FAM167A: variants seen among roughly 807,000 people sequenced by gnomAD.
The protein encoded by FAM167A is protein FAM167A.
A neutral mutation model predicts 14.9 loss-of-function variants in FAM167A; 23 were observed. The observed-to-expected ratio is 1.55, with a 90% CI of 1.11 to 2.19. FAM167A has a LOEUF of 2.19. Ranked by LOEUF, FAM167A falls within the 30% of genes most tolerant of loss-of-function variation. The pLI is 0.00. For synonymous variants in FAM167A, 174 were observed against 117.7 expected (o/e 1.48, Z -3.10); for missense variants, 401 against 281.5 (o/e 1.42, Z -3.04).
chr8:11,445,299 T>C, intron 1 of FAM167A: 1 of 985,988 alleles, frequency 1.0e-6, no homozygotes, highest in Non-Finnish European at 1.2e-6. Context: ...GTCTGCTCCG[T>C]CCAGGTGCCA....
At chr8:11,443,956 G>C (rs963375975) in intron 2 of FAM167A, 75 bp downstream of exon 2, 2 of 1,518,030 alleles carry the variant, frequency 1.3e-6, no homozygotes, top group Non-Finnish European at 1.8e-6. Flanking sequence ...GAGACAGACA[G>C]AGAGAGACAG....
At chr8:11,461,221 C>T (rs1270388230) in intron 1 of FAM167A, among the ~76,000 whole-genome samples, 1 of 152,202 alleles carries the variant, frequency 6.6e-6, no homozygotes, top group East Asian at 1.9e-4. Context: ...GGCTGCGGGG[C>T]TCTGGGAAAG....
At chr8:11,454,666 C>G (rs184218537) in intron 1 of FAM167A, among the ~76,000 whole-genome samples, 357 of 152,322 alleles carry the variant, frequency 2.3e-3, no homozygotes, top group African/African-American at 7.9e-3. Context: ...AGGCAAATCC[C>G]TTTGTTCTGG....
intron 1 of FAM167A, among the ~76,000 whole-genome samples, chr8:11,449,814 G>C (rs1806951830): frequency 1.3e-5 from 2 of 152,170 alleles, no homozygotes; most frequent in Admixed American, 6.5e-5. Context: ...AGGAGCCTTC[G>C]CCAACCATGA....
intron 1 of FAM167A, among the ~76,000 whole-genome samples, chr8:11,461,939 G>A (rs1362716616): frequency 6.6e-6 from 1 of 152,204 alleles, no homozygotes; most frequent in Non-Finnish European, 1.5e-5. Context: ...GGGGCTAGAA[G>A]GGTCCTTAGG....
intron 2 of FAM167A, among the ~76,000 whole-genome samples, chr8:11,439,637 G>A (rs949026599): frequency 2.0e-5 from 3 of 151,984 alleles, no homozygotes; most frequent in African/African-American, 7.2e-5. Context: ...GGAGGAGGGT[G>A]TCTGCAGGGA....
intron 1 of FAM167A, among the ~76,000 whole-genome samples, chr8:11,459,135 G>T (rs755669738): frequency 2.0e-5 from 3 of 152,174 alleles, no homozygotes; most frequent in Non-Finnish European, 4.4e-5. Context: ...TTAGAAGGAG[G>T]AGGAAAAGAG....
intron 1 of FAM167A, among the ~76,000 whole-genome samples, chr8:11,475,682 T>A (rs1031106404): frequency 2.0e-5 from 3 of 152,180 alleles, no homozygotes; most frequent in East Asian, 3.8e-4. Flanking sequence ...AATTATATGA[T>A]CTGACTCAAT....
At chr8:11,441,103 G>T (rs1428068298) in intron 2 of FAM167A, among the ~76,000 whole-genome samples, 1 of 152,196 alleles carries the variant, frequency 6.6e-6, no homozygotes, top group Non-Finnish European at 1.5e-5. Flanking sequence ...GTGTACTTTG[G>T]GCCTCAGAGT....
In FAM167A at chr8:11,444,447, C is replaced by CAG; in HGVS notation, c.-37_-36insCT. On this transcript the variant is annotated 5_prime_UTR_variant, in exon 2 of 3. It removes the in-frame stop codon of an upstream open reading frame in the 5' UTR. Transcript: ENST00000284486. Reference sequence around the variant, plus strand: ...GCCCTGGCAGCCGGACATGCGAGGGCACGGGGGGCGCAGGGGGAGGCTTGG... The same window carrying CAG: ...GCCCTGGCAGCCGGACATGCGAGGGCAGACGGGGGGCGCAGGGGGAGGCTTGG... The CAG allele has an allele frequency of 6.6e-7, 1 of 1,512,426 alleles. No individual in the cohort carries two copies. The highest frequency in any genetic ancestry group is 2.3e-5 in the East Asian group (1 of 43,240). 93.7% of individuals were successfully genotyped at this position (1,512,426 alleles called of 1,614,324 possible). A position where few individuals can be genotyped will look rare whatever the true frequency, so the allele number is the denominator to read the frequency against.
At chr8:11,472,384 T>A (rs533461343), upstream of FAM167A, among the ~76,000 whole-genome samples, 48 of 152,020 alleles carry the variant, frequency 3.2e-4, no homozygotes, top group Non-Finnish European at 6.3e-4. Flanking sequence ...GAAGGAGGCC[T>A]CCTGAACATG....
In FAM167A at chr8:11,424,575, A is replaced by T; in HGVS notation, c.443T>A (p.Ile148Asn). The T allele has an allele frequency of 6.2e-7, 1 of 1,613,940 alleles. No individual in the cohort carries two copies. The highest frequency in any genetic ancestry group is 8.5e-7 in the Non-Finnish European group (1 of 1,179,928). ...GGTGTGTTCGATTTTCAGCTTGTTG[A>T]TGTCGCCACGCAGGCGCATGAGCTG... The part of the protein sequence containing the change: ...ARQLMRLRGD[I>N]NKLKIEHTCR... Residue 148 changes from isoleucine (I) to asparagine (N), a missense_variant, in exon 3 of 3, where the codon ATC becomes AAC. Ile to Asn is a moderately radical substitution (Grantham distance 149). Transcript: ENST00000284486.
At chr8:11,442,158 C>T (rs1806479081) in intron 2 of FAM167A, among the ~76,000 whole-genome samples, 1 of 152,204 alleles carries the variant, frequency 6.6e-6, no homozygotes, top group Admixed American at 6.5e-5. Flanking sequence ...GGTTGTGCCT[C>T]ACCCTGGGCC....
Position 11,434,511 on chromosome 8 carries a change from G to C in FAM167A, c.381+9520C>G, listed in dbSNP as rs114107374. On this transcript the variant is annotated intron_variant, in intron 2 of 2. Coordinates refer to ENST00000284486, the MANE Select transcript of FAM167A (RefSeq NM_053279.3). Reference sequence around the variant, plus strand: ...GGTGAGTTTGCTGGGAGGGAGAGACGACAGCCCCAGAGCCAGGCATAGAGC... The same window carrying C: ...GGTGAGTTTGCTGGGAGGGAGAGACCACAGCCCCAGAGCCAGGCATAGAGC... Among the ~76,000 whole-genome samples the C allele has an allele frequency of 2.7e-3, 417 of 152,266 alleles. 3 individuals carry two copies. Among genetic ancestry groups the C allele is most frequent in the African/African-American group, 9.3e-3 (387 of 41,562 alleles).
At chr8:11,428,326 T>G (rs746071969) in intron 2 of FAM167A, among the ~76,000 whole-genome samples, 4 of 152,190 alleles carry the variant, frequency 2.6e-5, no homozygotes, top group Admixed American at 2.0e-4. Context: ...ATTTACTCTT[T>G]AAGACCCATC....
chr8:11,464,074 A>G (rs1807653356), intron 1 of FAM167A, among the ~76,000 whole-genome samples: 1 of 152,176 alleles, frequency 6.6e-6, no homozygotes, highest in Admixed American at 6.5e-5. Context: ...AGTCCTCTCG[A>G]GAGTGGCTGA....
At chr8:11,437,932 A>C (rs1238003574) in intron 2 of FAM167A, 1 of 245,730 alleles carries the variant, frequency 4.1e-6, no homozygotes, top group Non-Finnish European at 8.3e-6. Context: ...TCCACTCAGC[A>C]CGGCCCTCAG....
At chr8:11,462,256 G>A (rs1025009885) in intron 1 of FAM167A, among the ~76,000 whole-genome samples, 3 of 152,188 alleles carry the variant, frequency 2.0e-5, no homozygotes, top group African/African-American at 4.8e-5. Flanking sequence ...GCCGGGTGTC[G>A]GGGGACGTGG....
chr8:11,436,775 G>A (rs945004928), intron 2 of FAM167A, among the ~76,000 whole-genome samples: 1 of 152,178 alleles, frequency 6.6e-6, no homozygotes. Flanking sequence ...GGCTTTTCTT[G>A]GGTTCTCTAT....
Sources: gnomAD v4.1 joint callset for allele counts (sites outside exome capture counted in the v4.1 genomes callset) on GRCh38, gnomAD v4.1.1 for gene constraint, MANE v1.5 for transcripts, NCBI Gene and HGNC (gene_info 2026-07-23, HGNC 2026-07-21) for gene names.